The following SOX6 variants were observed in gnomAD, a reference collection of about 807,000 sequenced individuals.
The protein encoded by SOX6 is transcription factor SOX-6.
A neutral mutation model predicts 97.8 loss-of-function variants in SOX6; 11 were observed. The observed-to-expected ratio is 0.11, with a 90% CI of 0.07 to 0.19. The LOEUF is 0.19. Ranked by LOEUF, SOX6 falls within the 10% of genes least tolerant of loss-of-function variation. SOX6 has a pLI of 1.00. For synonymous variants in SOX6, 360 were observed against 371.4 expected, an observed-to-expected ratio of 0.97 and a Z score of 0.35; for missense variants, 810 against 1,039.5, an observed-to-expected ratio of 0.78 and a Z score of 3.04.
intron 13 of SOX6, among the ~76,000 whole-genome samples, chr11:16,012,317 C>G (rs560516719): frequency 1.4e-4 from 21 of 152,088 alleles, no homozygotes; most frequent in African/African-American, 4.8e-4. Flanking sequence ...CAGGATATAT[C>G]CTGAAGTCAG....
intron 4 of SOX6, among the ~76,000 whole-genome samples, chr11:16,532,444 C>T (rs564514132): frequency 6.6e-6 from 1 of 151,968 alleles, no homozygotes; most frequent in African/African-American, 2.4e-5. Context: ...AATTCTGTAA[C>T]AAATGTTCAA....
intron 12 of SOX6, among the ~76,000 whole-genome samples, chr11:16,040,267 C>T (rs1855625431): frequency 6.6e-6 from 1 of 151,824 alleles, no homozygotes; most frequent in African/African-American, 2.4e-5. Context: ...CCATTTTTTT[C>T]CTGTTTAAAG....
rs534555585 is a variant in SOX6, at chr11:16,176,520, A to C, written c.777+7366T>G. 1.8e-3 allele frequency among the ~76,000 whole-genome samples: 278 copies of C among 151,864 alleles called. 1 individual carries two copies. The highest frequency in any genetic ancestry group is 3.7e-3 in the Non-Finnish European group (249 of 67,874). ...AGGAAGTAGTATAATTAACTGTCTA[A>C]AAGGTTCATATGTAAACACCAAAAG... On this transcript the variant is annotated intron_variant, in intron 6 of 15. Transcript: ENST00000683767.
intron 3 of SOX6, among the ~76,000 whole-genome samples, chr11:16,294,575 A>T (rs1855014073): frequency 1.3e-5 from 2 of 152,094 alleles, no homozygotes; most frequent in South Asian, 4.1e-4. Flanking sequence ...ATGCTAGAAA[A>T]ATCTATGTAT....
At chr11:16,527,422 T>G (rs1445317460) in intron 4 of SOX6, among the ~76,000 whole-genome samples, 1 of 152,150 alleles carries the variant, frequency 6.6e-6, no homozygotes, top group South Asian at 2.1e-4. Flanking sequence ...ATTTTATACT[T>G]GCTCAGTAAT....
chr11:16,656,092 T>C (rs755890812), intron 3 of SOX6, among the ~76,000 whole-genome samples: 14 of 152,224 alleles, frequency 9.2e-5, no homozygotes, highest in Non-Finnish European at 1.5e-4. Flanking sequence ...TCTTGCTTTT[T>C]TTTTTGAGAA....
intron 3 of SOX6, among the ~76,000 whole-genome samples, chr11:16,673,946 T>A (rs571030183): frequency 1.3e-5 from 2 of 152,208 alleles, no homozygotes; most frequent in East Asian, 3.9e-4. Flanking sequence ...TCCCAGCACT[T>A]TGGGAGGCCG....
At chr11:16,483,909 C>T (rs1031519173) in intron 4 of SOX6, among the ~76,000 whole-genome samples, 2 of 152,166 alleles carry the variant, frequency 1.3e-5, no homozygotes, top group African/African-American at 4.8e-5. Flanking sequence ...TGGGGATCAC[C>T]ACCAAGTTCC....
chr11:16,658,795 T>C (rs1395119970), intron 3 of SOX6, among the ~76,000 whole-genome samples: 3 of 152,206 alleles, frequency 2.0e-5, no homozygotes, highest in Admixed American at 2.0e-4. Flanking sequence ...GTAATACATA[T>C]GAAAGCCCTA....
At chr11:16,159,242 C>T (rs971482340) in intron 6 of SOX6, among the ~76,000 whole-genome samples, 1 of 152,068 alleles carries the variant, frequency 6.6e-6, no homozygotes, top group Non-Finnish European at 1.5e-5. Flanking sequence ...CTTTTCCTAT[C>T]CCCTCCTCTA....
At chr11:16,066,366 T>C (rs1046366213) in intron 9 of SOX6, among the ~76,000 whole-genome samples, 23 of 152,098 alleles carry the variant, frequency 1.5e-4, no homozygotes, top group Non-Finnish European at 2.2e-4. Flanking sequence ...AAGCTAATAA[T>C]AGAGTTACCA....
intron 4 of SOX6, among the ~76,000 whole-genome samples, chr11:16,580,947 T>C (rs915867619): frequency 2.6e-5 from 4 of 151,634 alleles, no homozygotes; most frequent in African/African-American, 7.3e-5. Context: ...CAAGAAACAA[T>C]AGATGCTGGC....
chr11:16,506,517 C>T (rs1169548521), intron 4 of SOX6, among the ~76,000 whole-genome samples: 1 of 152,126 alleles, frequency 6.6e-6, no homozygotes, highest in Non-Finnish European at 1.5e-5. Context: ...TGAGTTAATG[C>T]TGAAATGAGT....
chr11:16,677,527 T>C (rs1271298650), intron 3 of SOX6, among the ~76,000 whole-genome samples: 3 of 152,236 alleles, frequency 2.0e-5, no homozygotes, highest in African/African-American at 7.2e-5. Context: ...ATTAACTGAT[T>C]ATATAAAGTT....
At chr11:16,020,955 C>T (rs896819647) in intron 12 of SOX6, among the ~76,000 whole-genome samples, 1 of 151,946 alleles carries the variant, frequency 6.6e-6, no homozygotes, top group African/African-American at 2.4e-5. Context: ...ACATGCTGCA[C>T]AAGTATCTAA....
chr11:16,617,388 C>T (rs1848485193), intron 3 of SOX6, among the ~76,000 whole-genome samples: 1 of 151,786 alleles, frequency 6.6e-6, no homozygotes, highest in African/African-American at 2.4e-5. Flanking sequence ...AATACAAAAA[C>T]CTCTTTTAAT....
At chr11:16,175,720 A>G (rs998947365) in intron 6 of SOX6, among the ~76,000 whole-genome samples, 1 of 151,914 alleles carries the variant, frequency 6.6e-6, no homozygotes, top group East Asian at 1.9e-4. Flanking sequence ...TATTCTGTTT[A>G]GAAAGTTAAA....
chr11:16,666,543 T>A (rs1847808160), intron 3 of SOX6, among the ~76,000 whole-genome samples: 1 of 152,160 alleles, frequency 6.6e-6, no homozygotes, highest in Non-Finnish European at 1.5e-5. Context: ...TGATGGCTCA[T>A]GTCTGTAATC....
At chr11:16,356,814 T>C (rs1364978755), upstream of SOX6, among the ~76,000 whole-genome samples, 1 of 152,008 alleles carries the variant, frequency 6.6e-6, no homozygotes, top group Non-Finnish European at 1.5e-5. Context: ...AGAGTTCAGA[T>C]TCAACAAATC....
Sources: allele counts gnomAD v4.1 joint callset (sites outside exome capture counted in the v4.1 genomes callset), GRCh38; gene constraint gnomAD v4.1.1; transcripts MANE v1.5; gene names NCBI Gene and HGNC (gene_info 2026-07-23, HGNC 2026-07-21).